The following MACROD2 variants were observed in gnomAD, a reference collection of about 807,000 sequenced individuals.
The protein encoded by MACROD2 is ADP-ribose glycohydrolase MACROD2.
Under a neutral mutation model 70.4 loss-of-function variants are expected in MACROD2, and 36 were observed. The ratio of observed to expected loss-of-function variants is 0.51; its 90% CI spans 0.39 to 0.68. The LOEUF (loss-of-function observed/expected upper bound fraction) is 0.68. Ranked by LOEUF, MACROD2 falls within the 30% of genes least tolerant of loss-of-function variation. The probability of loss-of-function intolerance (pLI) is 0.00; values close to 1 mark genes in which losing one functional copy is unlikely to be tolerated. For missense variants in MACROD2, 496 were observed against 538.4 expected, an observed-to-expected ratio of 0.92 and a Z score of 0.78; for synonymous variants, 172 against 178.8, an observed-to-expected ratio of 0.96 and a Z score of 0.30.
At chr20:14,681,615 A>G (rs1021110453) in intron 4 of MACROD2, among the ~76,000 whole-genome samples, 1 of 152,152 alleles carries the variant, frequency 6.6e-6, no homozygotes, top group African/African-American at 2.4e-5. Context: ...AAAGGGCACA[A>G]GGTAGCTTTT....
intron 6 of MACROD2, among the ~76,000 whole-genome samples, chr20:15,245,408 A>G (rs141196948): frequency 5.1e-4 from 78 of 152,332 alleles, no homozygotes; most frequent in African/African-American, 1.7e-3. Flanking sequence ...TAGAAAAAAA[A>G]TCTCAGGAAC....
intron 8 of MACROD2, among the ~76,000 whole-genome samples, chr20:15,786,107 G>A (rs1342913339): frequency 6.6e-6 from 1 of 150,686 alleles, no homozygotes; most frequent in Non-Finnish European, 1.5e-5. Context: ...AGGAGAATAA[G>A]ATGGACTAAA....
chr20:15,307,731 TTAAAA>T (rs1440878068), intron 6 of MACROD2, among the ~76,000 whole-genome samples: 4 of 152,198 alleles, frequency 2.6e-5, no homozygotes, highest in African/African-American at 9.6e-5. Flanking sequence ...CTAATGTCCT[TTAAAA>T]TAAAATAATT....
chr20:14,005,483 C>T (rs1601101831), intron 2 of MACROD2, among the ~76,000 whole-genome samples: 3 of 152,104 alleles, frequency 2.0e-5, no homozygotes, highest in Admixed American at 1.3e-4. Context: ...TCTTGTCTCT[C>T]CTATTGTACT....
intron 4 of MACROD2, among the ~76,000 whole-genome samples, chr20:14,620,949 G>T (rs1371207447): frequency 1.3e-5 from 2 of 151,990 alleles, no homozygotes; most frequent in Non-Finnish European, 2.9e-5. Context: ...AAAACAATAG[G>T]TTTGTATTCC....
At chr20:15,573,443 A>G (rs982641564) in intron 8 of MACROD2, among the ~76,000 whole-genome samples, 1 of 152,166 alleles carries the variant, frequency 6.6e-6, no homozygotes, top group Non-Finnish European at 1.5e-5. Flanking sequence ...TCATAGGAAA[A>G]TCAGCAAAGG....
chr20:15,055,797 C>CTTAT (rs371507428), intron 5 of MACROD2, among the ~76,000 whole-genome samples: 1 of 136,814 alleles, frequency 7.3e-6, no homozygotes, highest in Non-Finnish European at 1.6e-5. Context: ...AAAGCAACAT[C>CTTAT]TTTTTTTTTT....
intron 4 of MACROD2, among the ~76,000 whole-genome samples, chr20:14,543,736 A>G (rs112834843): frequency 1.4e-4 from 22 of 152,314 alleles, no homozygotes; most frequent in African/African-American, 4.8e-4. Flanking sequence ...TTAAGATAGT[A>G]TTATATCAAA....
intron 5 of MACROD2, among the ~76,000 whole-genome samples, chr20:14,731,336 G>A (rs1423832320): frequency 6.6e-6 from 1 of 151,992 alleles, no homozygotes; most frequent in Non-Finnish European, 1.5e-5. Flanking sequence ...TATAGAGATC[G>A]TTCTAATGAG....
At chr20:15,423,933 T>C (rs2146345024) in intron 6 of MACROD2, among the ~76,000 whole-genome samples, 1 of 152,300 alleles carries the variant, frequency 6.6e-6, no homozygotes, top group East Asian at 1.9e-4. Flanking sequence ...GGTGCCAGCA[T>C]AGTCAGATTA....
intron 5 of MACROD2, among the ~76,000 whole-genome samples, chr20:15,049,767 G>A (rs1331354066): frequency 6.6e-6 from 1 of 152,038 alleles, no homozygotes; most frequent in East Asian, 1.9e-4. Context: ...GGCCAACATG[G>A]TGAAACCCTG....
intron 6 of MACROD2, among the ~76,000 whole-genome samples, chr20:15,345,191 G>A (rs1014064136): frequency 2.0e-5 from 3 of 152,162 alleles, no homozygotes; most frequent in Admixed American, 1.3e-4. Flanking sequence ...CACGTTAGGG[G>A]AAGGGTTTCA....
intron 6 of MACROD2, among the ~76,000 whole-genome samples, chr20:15,395,276 AT>A (rs1211309222): frequency 6.6e-6 from 1 of 152,198 alleles, no homozygotes; most frequent in Non-Finnish European, 1.5e-5. Flanking sequence ...AAGAAAATGC[AT>A]TTGAATGTGG....
chr20:14,712,888 T>C (rs1457507140), intron 5 of MACROD2, among the ~76,000 whole-genome samples: 3 of 152,198 alleles, frequency 2.0e-5, no homozygotes, highest in Non-Finnish European at 4.4e-5. Context: ...CCTGTTTACA[T>C]TCAGTAATGT....
intron 3 of MACROD2, among the ~76,000 whole-genome samples, chr20:14,188,703 A>AT (rs549777163): frequency 1.7e-4 from 26 of 152,090 alleles, no homozygotes; most frequent in African/African-American, 5.8e-4. Context: ...TTTGCCTTAA[A>AT]TTTTTTTTAA....
At chr20:14,849,978 C>A (rs773250722) in intron 5 of MACROD2, 2 of 517,254 alleles carry the variant, frequency 3.9e-6, no homozygotes, top group Non-Finnish European at 7.7e-6. Flanking sequence ...TTCAATCACT[C>A]CACCGAAAAA....
intron 5 of MACROD2, among the ~76,000 whole-genome samples, chr20:14,836,521 T>A (rs1260029975): frequency 1.3e-5 from 2 of 152,032 alleles, no homozygotes; most frequent in Non-Finnish European, 2.9e-5. Context: ...GCTCTGCATA[T>A]GATGACTGTC....
At chr20:14,762,736 C>G (rs6135253) in intron 5 of MACROD2, among the ~76,000 whole-genome samples, 8 of 151,954 alleles carry the variant, frequency 5.3e-5, no homozygotes, top group African/African-American at 7.3e-5. Context: ...TTGAGACCAG[C>G]CTGTGCAACA....
Position 14,910,506 on chromosome 20 carries a change from G to T in MACROD2, c.418+225547G>T, listed in dbSNP as rs184007425. Among the ~76,000 whole-genome samples, 70 of 152,324 alleles carry T rather than the reference G, an allele frequency of 4.6e-4. No homozygotes were observed. The East Asian group carries it at 0.011, about 25-fold the overall frequency. ...CCATCAAGTTTTGAGGAAGCATGAA[G>T]AATTCCAGCAGAAAGGAAATTTGTT... On this transcript the variant is annotated intron_variant, in intron 5 of 17. Transcript: ENST00000684519.
Sources: allele counts gnomAD v4.1 joint callset (sites outside exome capture counted in the v4.1 genomes callset), GRCh38; gene constraint gnomAD v4.1.1; transcripts MANE v1.5; gene names NCBI Gene and HGNC (gene_info 2026-07-23, HGNC 2026-07-21).